ADCY8: variants seen among roughly 807,000 people sequenced by gnomAD.
ADCY8 encodes adenylate cyclase 8.
ADCY8 carries 51 observed loss-of-function variants against 119.7 expected under a neutral mutation model. The ratio of observed to expected loss-of-function variants is 0.43; its 90% confidence interval spans 0.34 to 0.54. The LOEUF is 0.54. Among genes scored for constraint, ADCY8 ranks in the 20% least tolerant of loss-of-function variants. ADCY8 has a pLI of 0.03. For missense variants in ADCY8, 1,383 were observed against 1,598.8 expected, an observed-to-expected ratio of 0.87 and a Z score of 2.30; for synonymous variants, 665 against 651.0, an observed-to-expected ratio of 1.02 and a Z score of -0.33.
intron 15 of ADCY8, among the ~76,000 whole-genome samples, chr8:130,793,386 C>G (rs550037252): frequency 2.0e-5 from 3 of 152,302 alleles, no homozygotes; most frequent in South Asian, 2.1e-4. Flanking sequence ...GTGGGTGACT[C>G]TAATTGCACC....
intron 15 of ADCY8, among the ~76,000 whole-genome samples, chr8:130,798,271 A>G (rs2130101105): frequency 6.6e-6 from 1 of 152,292 alleles, no homozygotes; most frequent in South Asian, 2.1e-4. Flanking sequence ...GTTTTTCATT[A>G]AAAAAGGAGT....
intron 5 of ADCY8, among the ~76,000 whole-genome samples, chr8:130,934,171 G>A (rs1820716863): frequency 2.0e-5 from 3 of 152,120 alleles, no homozygotes; most frequent in African/African-American, 4.8e-5. Context: ...TGATCTTCTG[G>A]GTGTCAGTCT....
At chr8:130,904,573 T>A (rs956233609) in intron 6 of ADCY8, among the ~76,000 whole-genome samples, 1 of 152,206 alleles carries the variant, frequency 6.6e-6, no homozygotes, top group Non-Finnish European at 1.5e-5. Context: ...GATAAGTCCA[T>A]AGGGCTGCAC....
chr8:131,031,297 G>T (rs184787480), intron 1 of ADCY8, among the ~76,000 whole-genome samples: 247 of 152,274 alleles, frequency 1.6e-3, no homozygotes, highest in African/African-American at 5.5e-3. Flanking sequence ...ACCTTTTTGT[G>T]AATCAGAATT....
chr8:131,006,490 A>G (rs1194320635), intron 1 of ADCY8, among the ~76,000 whole-genome samples: 1 of 152,150 alleles, frequency 6.6e-6, no homozygotes, highest in African/African-American at 2.4e-5. Context: ...TCTGGCAATG[A>G]TGAGATTTTT....
chr8:130,967,211 C>T (rs929383524), intron 2 of ADCY8, among the ~76,000 whole-genome samples: 1 of 152,174 alleles, frequency 6.6e-6, no homozygotes, highest in Non-Finnish European at 1.5e-5. Flanking sequence ...TTAATTGGCT[C>T]CTGAAGTCAT....
At chr8:130,972,557 A>G (rs1821954682) in intron 2 of ADCY8, among the ~76,000 whole-genome samples, 3 of 152,230 alleles carry the variant, frequency 2.0e-5, no homozygotes, top group Admixed American at 6.5e-5. Flanking sequence ...TCTATTTTGG[A>G]ATAGCTTCCC....
intron 3 of ADCY8, 46 bp downstream of exon 3, chr8:130,951,802 GCAATGAGAGCACCCAAACAC>G: frequency 6.3e-7 from 1 of 1,588,360 alleles, no homozygotes; most frequent in Admixed American, 1.7e-5. Context: ...TCACGGAAGT[GCAATGAGAGCACCCAAACAC>G]ACATGGATCA....
intron 14 of ADCY8, among the ~76,000 whole-genome samples, chr8:130,800,824 G>A (rs1031209107): frequency 2.3e-4 from 35 of 152,230 alleles, no homozygotes; most frequent in African/African-American, 4.8e-5. Context: ...AGAAGTCCAA[G>A]ATCAAGGTAC....
intron 9 of ADCY8, among the ~76,000 whole-genome samples, chr8:130,860,694 T>C (rs895252720): frequency 3.9e-5 from 6 of 152,232 alleles, no homozygotes; most frequent in African/African-American, 7.2e-5. Flanking sequence ...TACATAGGTA[T>C]ACATCTGCCA....
intron 15 of ADCY8, among the ~76,000 whole-genome samples, chr8:130,791,935 G>T (rs1274057984): frequency 2.0e-5 from 3 of 152,208 alleles, no homozygotes; most frequent in Non-Finnish European, 4.4e-5. Flanking sequence ...AGTCTTTCTT[G>T]ACATCACTTT....
chr8:130,974,960 A>G (rs1378185727), intron 2 of ADCY8, among the ~76,000 whole-genome samples: 1 of 152,112 alleles, frequency 6.6e-6, no homozygotes, highest in Non-Finnish European at 1.5e-5. Context: ...AAGGCGACAT[A>G]CCTCTGGAGC....
intron 9 of ADCY8, among the ~76,000 whole-genome samples, chr8:130,861,732 G>A (rs768654307): frequency 1.3e-5 from 2 of 150,632 alleles, no homozygotes; most frequent in Non-Finnish European, 3.0e-5. Flanking sequence ...GGTGGTGAGA[G>A]TGTATTTTTG....
chr8:130,792,225 T>G (rs1815445638), intron 15 of ADCY8, among the ~76,000 whole-genome samples: 1 of 152,180 alleles, frequency 6.6e-6, no homozygotes, highest in Non-Finnish European at 1.5e-5. Context: ...CAGATTTTAC[T>G]TCCACTTCAC....
Position 131,020,942 on chromosome 8 carries a change from T to G in ADCY8, c.960+18432A>C, listed in dbSNP as rs532646884. On this transcript the variant is annotated intron_variant, in intron 1 of 17. Transcript: ENST00000286355. ...CAGATGACATGACATCTGATCTAGGTCTTTCTGTTTCTCAAATCTCAAATA... is the reference window on the plus strand; with the variant it reads ...CAGATGACATGACATCTGATCTAGGGCTTTCTGTTTCTCAAATCTCAAATA... 4.6e-5 allele frequency among the ~76,000 whole-genome samples: 7 copies of G among 152,304 alleles called. No homozygotes were observed. The East Asian group carries it at 1.4e-3, about 29-fold the overall frequency.
chr8:130,931,769 C>G (rs1225924730), intron 5 of ADCY8, among the ~76,000 whole-genome samples: 2 of 152,016 alleles, frequency 1.3e-5, no homozygotes, highest in Non-Finnish European at 2.9e-5. Context: ...TATTTTTTGG[C>G]TCCAGATTTC....
At chr8:130,797,133 C>T (rs999900315) in intron 15 of ADCY8, among the ~76,000 whole-genome samples, 2 of 152,198 alleles carry the variant, frequency 1.3e-5, no homozygotes, top group Admixed American at 1.3e-4. Context: ...CAAACTTGTC[C>T]AACCTGCGGC....
chr8:130,957,353 G>A (rs1259914512), intron 2 of ADCY8, among the ~76,000 whole-genome samples: 1 of 152,190 alleles, frequency 6.6e-6, no homozygotes, highest in African/African-American at 2.4e-5. Flanking sequence ...ATGATTTAGG[G>A]TATCTAAGGG....
chr8:130,980,709 T>A (rs1822213774), intron 2 of ADCY8, among the ~76,000 whole-genome samples: 1 of 152,218 alleles, frequency 6.6e-6, no homozygotes, highest in Non-Finnish European at 1.5e-5. Context: ...ATAATGGTTT[T>A]GCCCTATGCC....
Sources: allele counts gnomAD v4.1 joint callset (sites outside exome capture counted in the v4.1 genomes callset), GRCh38; gene constraint gnomAD v4.1.1; transcripts MANE v1.5; gene names NCBI Gene and HGNC (gene_info 2026-07-23, HGNC 2026-07-21).